The following ITSN2 variants were observed in gnomAD, a reference collection of about 807,000 sequenced individuals.
ITSN2 encodes intersectin 2, also known as intersectin-2.
Under a neutral mutation model 243.7 loss-of-function variants are expected in ITSN2, and 156 were observed. The observed-to-expected ratio is 0.64, with a 90% CI of 0.56 to 0.73. ITSN2 has a LOEUF of 0.73. Ranked by LOEUF, ITSN2 falls within the 30% of genes least tolerant of loss-of-function variation. The probability of loss-of-function intolerance (pLI) is 0.00; values close to 1 mark genes in which losing one functional copy is unlikely to be tolerated. For synonymous variants in ITSN2, 703 were observed against 699.9 expected (o/e 1.00, Z -0.07); for missense variants, 1,801 against 1,996.1 (o/e 0.90, Z 1.86).
rs552692100 is a variant in ITSN2, at chr2:24,203,480, G to T, written c.*146C>A. 71 of 722,532 alleles carry T rather than the reference G, an allele frequency of 9.8e-5. No individual in the cohort carries two copies. The South Asian group carries it at 1.3e-3, about 13-fold the overall frequency. The allele number at this position is 722,532 out of a possible 1,614,324, so 44.8% of individuals were successfully genotyped here. A position where few individuals can be genotyped will look rare whatever the true frequency, so the allele number is the denominator to read the frequency against. On this transcript the variant is annotated 3_prime_UTR_variant, in exon 40 of 40. Transcript: ENST00000355123. ...GTTTGCATAGATTGCTAGCTATTTA[G>T]TGTGCAGGAAAACAGAGCCCCCAGC...
chr2:24,348,410 G>A (rs1255232518), intron 1 of ITSN2, among the ~76,000 whole-genome samples: 1 of 151,740 alleles, frequency 6.6e-6, no homozygotes, highest in African/African-American at 2.4e-5. Flanking sequence ...GGCTGGTCTC[G>A]AACTCCTGAC....
chr2:24,262,833 T>TTC (rs1487581470), intron 20 of ITSN2, among the ~76,000 whole-genome samples: 8 of 152,160 alleles, frequency 5.3e-5, no homozygotes, highest in African/African-American at 1.9e-4. Flanking sequence ...CATCCCCTCC[T>TTC]TCTCCTAAAT....
Position 24,357,567 on chromosome 2 carries a change from G to A in ITSN2, c.-34+2737C>T, listed in dbSNP as rs561987825. Among the ~76,000 whole-genome samples the A allele has an allele frequency of 1.6e-4, 24 of 152,122 alleles. No individual in the cohort carries two copies. The East Asian group carries it at 4.1e-3, about 26-fold the overall frequency. ...GTATACCTATGTAACAAACCTGTAC[G>A]TTCTGCACATATATCCTGTTTTTTT... On this transcript the variant is annotated intron_variant, in intron 1 of 39. Coordinates refer to ENST00000355123, the MANE Select transcript of ITSN2 (RefSeq NM_006277.3).
chr2:24,233,267 C>T (rs575474264), intron 29 of ITSN2, among the ~76,000 whole-genome samples: 1 of 152,286 alleles, frequency 6.6e-6, no homozygotes, highest in South Asian at 2.1e-4. Context: ...TGACTACATA[C>T]ATAATTGGAG....
intron 29 of ITSN2, among the ~76,000 whole-genome samples, chr2:24,236,843 T>A (rs1672214579): frequency 6.6e-6 from 1 of 151,476 alleles, no homozygotes; most frequent in African/African-American, 2.4e-5. Flanking sequence ...CAGCTATCTA[T>A]CTATCTATCT....
intron 1 of ITSN2, among the ~76,000 whole-genome samples, chr2:24,350,127 A>T (rs1687897719): frequency 6.6e-6 from 1 of 152,208 alleles, no homozygotes; most frequent in African/African-American, 2.4e-5. Context: ...GCCTATTCTA[A>T]TACATAAATA....
chr2:24,310,723 GC>G, intron 5 of ITSN2, 31 bp from the exon 6 acceptor site: 1 of 1,581,270 alleles, frequency 6.3e-7, no homozygotes, highest in Non-Finnish European at 8.7e-7. Flanking sequence ...TTTTTCCAGT[GC>G]TAGAAAATCA....
chr2:24,227,339 T>A (rs1671144611), intron 29 of ITSN2, among the ~76,000 whole-genome samples: 1 of 144,070 alleles, frequency 6.9e-6, no homozygotes, highest in African/African-American at 2.5e-5. Context: ...CACCATAAAT[T>A]GAAAAATGAG....
At chr2:24,220,874 A>T in intron 30 of ITSN2, 71 bp downstream of exon 30, 1 of 1,514,866 alleles carries the variant, frequency 6.6e-7, no homozygotes, top group Non-Finnish European at 8.8e-7. Context: ...GGCAGCCCTG[A>T]GTCTGATGCC....
chr2:24,315,794 T>TG, intron 2 of ITSN2, among the ~76,000 whole-genome samples: 2 of 152,350 alleles, frequency 1.3e-5, no homozygotes, highest in South Asian at 4.1e-4. Flanking sequence ...GCTGCCACGT[T>TG]AAGATGTGCT....
chr2:24,248,678 A>C lies in ITSN2; in HGVS notation c.3239T>G (p.Ile1080Arg). The C allele has an allele frequency of 6.2e-7, 1 of 1,612,166 alleles. No individual in the cohort carries two copies. Among genetic ancestry groups the C allele is most frequent in the Non-Finnish European group, 8.5e-7 (1 of 1,178,678 alleles). Residue 1080 changes from isoleucine (I) to arginine (R), a missense_variant, in exon 27 of 40, where the codon ATA (isoleucine) becomes AGA (arginine). Ile to Arg is a moderately conservative substitution (Grantham distance 97). This residue lies in a region of ITSN2 where 928 missense variants were observed against 1,065.4 expected (regional missense o/e 0.87). Transcript: ENST00000355123. ...EQLSLAPGQL[I>R]LILKKNTSGW... The stretch of plus-strand genomic sequence containing the variant: ...ACTTGTATTTTTCTTTAGAATTAAT[A>C]TTAACTGTCCTGGTGCAAGGCTAAG...
chr2:24,334,956 G>A (rs941915787), intron 1 of ITSN2: 9 of 365,858 alleles, frequency 2.5e-5, no homozygotes, highest in East Asian at 1.3e-4. Context: ...CCAGCTACTC[G>A]GGAGGCTGAG....
At chr2:24,250,626 A>G (rs2151309795) in intron 25 of ITSN2, among the ~76,000 whole-genome samples, 1 of 152,352 alleles carries the variant, frequency 6.6e-6, no homozygotes, top group Non-Finnish European at 1.5e-5. Context: ...AAAACAGACT[A>G]GTGAATTTTA....
chr2:24,341,832 C>G (rs1037967926), intron 1 of ITSN2, among the ~76,000 whole-genome samples: 1 of 151,718 alleles, frequency 6.6e-6, no homozygotes, highest in Non-Finnish European at 1.5e-5. Context: ...CCAGCCTGGG[C>G]GACAGAGCAA....
chr2:24,339,596 G>C (rs774788082), intron 1 of ITSN2, among the ~76,000 whole-genome samples: 1 of 152,162 alleles, frequency 6.6e-6, no homozygotes, highest in African/African-American at 2.4e-5. Flanking sequence ...GGGAAGGTTG[G>C]AAGGGATACC....
intron 13 of ITSN2, 29 bp downstream of exon 13, chr2:24,298,636 G>C (rs1161885021): frequency 6.3e-7 from 1 of 1,586,462 alleles, no homozygotes; most frequent in East Asian, 2.3e-5. Flanking sequence ...TCATCATTCA[G>C]ATAAATTTCA....
In ITSN2 at chr2:24,301,057, A is replaced by T. The variant is rs958535979; in HGVS notation, c.1081+97T>A. 4.5e-6 allele frequency: 3 copies of T among 661,902 alleles called. No individual in the cohort carries two copies. In the African/African-American group the frequency reaches 5.5e-5, roughly 12 times the overall value. 41.0% of individuals were successfully genotyped at this position (661,902 alleles called of 1,614,324 possible). A position where few individuals can be genotyped will look rare whatever the true frequency, so the allele number is the denominator to read the frequency against. ...AGTTTTTTCTCATATAGCACATCAAATATTAAAAATATAAAAATTCTAAAT... is the reference window on the plus strand; with the variant it reads ...AGTTTTTTCTCATATAGCACATCAATTATTAAAAATATAAAAATTCTAAAT... On this transcript the variant is annotated intron_variant, in intron 11 of 39. Transcript: ENST00000355123.
intron 9 of ITSN2, among the ~76,000 whole-genome samples, chr2:24,302,607 T>C (rs554817672): frequency 6.6e-6 from 1 of 152,226 alleles, no homozygotes. Context: ...AATGTAAGTA[T>C]GTAAGTATGT....
chr2:24,223,346 A>G (rs1487618125), intron 29 of ITSN2, among the ~76,000 whole-genome samples: 1 of 152,148 alleles, frequency 6.6e-6, no homozygotes, highest in Non-Finnish European at 1.5e-5. Context: ...TTACTCCCAC[A>G]GAGAACAAAA....
Sources: gnomAD v4.1 joint callset for allele counts (sites outside exome capture counted in the v4.1 genomes callset) on GRCh38, gnomAD v4.1.1 for gene constraint, gnomAD v4.1.1 regional missense constraint, MANE v1.5 for transcripts, NCBI Gene and HGNC (gene_info 2026-07-23, HGNC 2026-07-21) for gene names.